Variants in PDE10A observed in about 807,000 individuals in gnomAD.
PDE10A encodes phosphodiesterase 10A.
In PDE10A, 39 loss-of-function variants were observed where a neutral mutation model predicts 97.7. That is an observed-to-expected ratio of 0.40 (90% CI 0.31 to 0.52). The LOEUF (loss-of-function observed/expected upper bound fraction) is 0.52. PDE10A is among the 20% of genes least tolerant of loss of function. The pLI, the probability that PDE10A is intolerant of heterozygous loss-of-function variation, is 0.56. For synonymous variants in PDE10A, 371 were observed against 376.8 expected (o/e 0.98, Z 0.18); for missense variants, 731 against 1,047.8 (o/e 0.70, Z 4.17).
At chr6:165,727,120 G>T (rs1425046864) in intron 1 of PDE10A, among the ~76,000 whole-genome samples, 5 of 152,212 alleles carry the variant, frequency 3.3e-5, no homozygotes, top group African/African-American at 1.2e-4. Flanking sequence ...CGTTTACTCA[G>T]CTGTGATGAC....
chr6:165,894,416 G>A (rs1250469827), intron 1 of PDE10A: 2 of 456,056 alleles, frequency 4.4e-6, no homozygotes, highest in Non-Finnish European at 4.4e-6. Flanking sequence ...ATTAAACAGA[G>A]ATATAAGTCA....
At chr6:165,987,616 A>G (rs1785261904) in exon 1 of PDE10A, 1 of 412,816 alleles carries the variant, frequency 2.4e-6, no homozygotes, top group African/African-American at 2.1e-5. Context: ...AAAGAAAAAG[A>G]AAAAAAAAGG....
intron 1 of PDE10A, among the ~76,000 whole-genome samples, chr6:165,573,320 G>C (rs2128347018): frequency 6.7e-6 from 1 of 150,232 alleles, no homozygotes; most frequent in Admixed American, 6.6e-5. Context: ...TTTGGCCTAT[G>C]CATTAGTAGA....
intron 1 of PDE10A, among the ~76,000 whole-genome samples, chr6:165,984,558 C>G (rs1785124455): frequency 6.6e-6 from 1 of 152,206 alleles, no homozygotes; most frequent in Admixed American, 6.5e-5. Context: ...TACAGAGCGA[C>G]CCGAGGTCAA....
chr6:165,847,865 A>C (rs1261388013), intron 1 of PDE10A, among the ~76,000 whole-genome samples: 1 of 152,222 alleles, frequency 6.6e-6, no homozygotes, highest in East Asian at 1.9e-4. Flanking sequence ...CCTGAACCTA[A>C]ATGCTGCTTT....
intron 1 of PDE10A, among the ~76,000 whole-genome samples, chr6:165,823,279 T>G (rs1298896113): frequency 6.6e-6 from 1 of 150,864 alleles, no homozygotes; most frequent in Non-Finnish European, 1.5e-5. Flanking sequence ...TTAAAAAAAC[T>G]TATTAAGTGT....
In PDE10A at chr6:165,435,248, C is replaced by T; in HGVS notation, c.1324G>A (p.Asp442Asn). 6.2e-7 allele frequency: 1 copy of T among 1,613,834 alleles called. No individual in the cohort carries two copies. Among genetic ancestry groups the T allele is most frequent in the Non-Finnish European group, 8.5e-7 (1 of 1,179,838 alleles). The change falls in exon 6 of 22, where the codon GAC becomes AAC. Residue 442 changes from aspartate (D) to asparagine (N), a missense_variant. Asp to Asn is a conservative substitution (Grantham distance 23). This residue lies in a region of PDE10A where 152 missense variants were observed against 199.3 expected (regional missense o/e 0.76). Coordinates refer to ENST00000539869, the MANE Select transcript of PDE10A (RefSeq NM_001385079.1). The part of the protein sequence containing the change: ...AKSRKTLLVE[D>N]ILGDERFPRG... Reference sequence around the variant, plus strand: ...AAAAAGCCACTTACTCCAAGGATGTCTTCTACTAGCAGTGTTTTCCTGGAC... The same window carrying T: ...AAAAAGCCACTTACTCCAAGGATGTTTTCTACTAGCAGTGTTTTCCTGGAC...
intron 1 of PDE10A, among the ~76,000 whole-genome samples, chr6:165,888,506 G>T (rs1253274690): frequency 6.6e-6 from 1 of 151,942 alleles, no homozygotes; most frequent in Admixed American, 6.6e-5. Context: ...GGATGGTGTC[G>T]ATCTCCTGAC....
At position 165,332,347 on chromosome 6, in the gene PDE10A, A is replaced by G. The variant is rs1781386660; in HGVS notation, c.*678T>C. Reference sequence around the variant, plus strand: ...CTCATCTCTTCTCAAAAAGACAGGAAGTCTACTTCGTCTAGTGTTAAATTT... The same window carrying G: ...CTCATCTCTTCTCAAAAAGACAGGAGGTCTACTTCGTCTAGTGTTAAATTT... On this transcript the variant is annotated 3_prime_UTR_variant, in exon 22 of 22. Coordinates refer to ENST00000539869, the MANE Select transcript of PDE10A (RefSeq NM_001385079.1). 1 of 152,246 alleles carries G rather than the reference A, an allele frequency of 6.6e-6. No individual in the cohort carries two copies. 9.4% of individuals were successfully genotyped at this position (152,246 alleles called of 1,614,324 possible).
intron 1 of PDE10A, among the ~76,000 whole-genome samples, chr6:165,802,342 T>G (rs1779007011): frequency 6.6e-6 from 1 of 152,178 alleles, no homozygotes. Flanking sequence ...TGCACGAATA[T>G]CCCCTGGCAT....
At chr6:165,372,731 T>G (rs1784346343) in intron 18 of PDE10A, among the ~76,000 whole-genome samples, 1 of 118,772 alleles carries the variant, frequency 8.4e-6, no homozygotes, top group African/African-American at 3.8e-5. Flanking sequence ...AAAAATACTT[T>G]AAAGTTCATA....
chr6:165,463,976 G>A (rs1254278163), intron 3 of PDE10A, among the ~76,000 whole-genome samples: 2 of 152,178 alleles, frequency 1.3e-5, no homozygotes, highest in Non-Finnish European at 2.9e-5. Flanking sequence ...GATACTTTTA[G>A]TTAATTTAAT....
In PDE10A at chr6:165,328,370, A is replaced by G. The variant is rs569827573; in HGVS notation, c.*4655T>C. On this transcript the variant is annotated 3_prime_UTR_variant, in exon 22 of 22. Coordinates refer to ENST00000539869, the MANE Select transcript of PDE10A (RefSeq NM_001385079.1). Reference sequence around the variant, plus strand: ...GAACCTAACTTACAATAGAAACAAAACCCTTCTGCTTAAACTTCTGCAAAT... The same window carrying G: ...GAACCTAACTTACAATAGAAACAAAGCCCTTCTGCTTAAACTTCTGCAAAT... 1.3e-4 allele frequency: 20 copies of G among 152,304 alleles called. No homozygotes were observed. Among genetic ancestry groups the G allele is most frequent in the African/African-American group, 4.8e-4 (20 of 41,566 alleles). 9.4% of individuals were successfully genotyped at this position (152,304 alleles called of 1,614,324 possible).
intron 2 of PDE10A, among the ~76,000 whole-genome samples, chr6:165,524,581 T>A (rs1307309100): frequency 1.3e-5 from 2 of 151,914 alleles, no homozygotes; most frequent in Non-Finnish European, 2.9e-5. Flanking sequence ...TTGAACAAAG[T>A]GATGAAAAAA....
intron 1 of PDE10A, among the ~76,000 whole-genome samples, chr6:165,861,442 C>T (rs899229556): frequency 6.6e-6 from 1 of 151,564 alleles, no homozygotes; most frequent in Non-Finnish European, 1.5e-5. Context: ...GAGGGGTGTG[C>T]TGTCAGGTGC....
chr6:165,928,086 T>C (rs181838675), intron 1 of PDE10A, among the ~76,000 whole-genome samples: 3 of 151,210 alleles, frequency 2.0e-5, no homozygotes, highest in African/African-American at 4.8e-5. Flanking sequence ...AATATTTATA[T>C]GTAATATTTA....
At chr6:165,868,540 G>T (rs867654099) in intron 1 of PDE10A, among the ~76,000 whole-genome samples, 1 of 151,614 alleles carries the variant, frequency 6.6e-6, no homozygotes, top group African/African-American at 2.4e-5. Flanking sequence ...ACAAAGAAGA[G>T]CCCAGGTCCA....
intron 1 of PDE10A, among the ~76,000 whole-genome samples, chr6:165,942,482 A>G (rs1003727886): frequency 6.6e-6 from 1 of 151,818 alleles, no homozygotes; most frequent in Admixed American, 6.6e-5. Flanking sequence ...GTCGAGGGAG[A>G]TGTGTTCGGT....
At chr6:165,444,167 G>T (rs186944202) in intron 5 of PDE10A, among the ~76,000 whole-genome samples, 1 of 152,144 alleles carries the variant, frequency 6.6e-6, no homozygotes, top group Non-Finnish European at 1.5e-5. Flanking sequence ...TTCACTATCC[G>T]TATCACTGTC....
Sources: allele counts gnomAD v4.1 joint callset (sites outside exome capture counted in the v4.1 genomes callset), GRCh38; gene constraint gnomAD v4.1.1; regional missense constraint gnomAD v4.1.1; transcripts MANE v1.5; gene names NCBI Gene and HGNC (gene_info 2026-07-23, HGNC 2026-07-21).